The following CLMN variants were observed in gnomAD, a reference collection of about 807,000 sequenced individuals.
The protein encoded by CLMN is calmin.
CLMN carries 57 observed loss-of-function variants against 92.7 expected under a neutral mutation model. The ratio of observed to expected loss-of-function variants is 0.61; its 90% CI spans 0.50 to 0.77. CLMN has a LOEUF of 0.77. CLMN is among the 30% of genes least tolerant of loss of function. The probability of loss-of-function intolerance (pLI) is 0.00; values close to 1 mark genes in which losing one functional copy is unlikely to be tolerated. For missense variants in CLMN, 1,158 were observed against 1,237.5 expected (o/e 0.94, Z 0.96); for synonymous variants, 466 against 470.6 (o/e 0.99, Z 0.13).
chr14:95,208,302 G>A (rs976874744), intron 8 of CLMN, among the ~76,000 whole-genome samples: 20 of 152,246 alleles, frequency 1.3e-4, no homozygotes, highest in Admixed American at 7.8e-4. Context: ...AATTACTAAC[G>A]GATTCAAGAA....
At chr14:95,233,483 C>T (rs941692449) in intron 1 of CLMN, among the ~76,000 whole-genome samples, 3 of 152,134 alleles carry the variant, frequency 2.0e-5, no homozygotes, top group Admixed American at 2.0e-4. Flanking sequence ...GTTCATCCTC[C>T]CAGCAGATAT....
Position 95,191,439 on chromosome 14 carries a change from G to C in CLMN, c.*125C>G. On this transcript the variant is annotated 3_prime_UTR_variant, in exon 13 of 13. Coordinates refer to ENST00000298912, the MANE Select transcript of CLMN (RefSeq NM_024734.4). The surrounding 1 kb of genome is among the most constrained non-coding windows in gnomAD (Gnocchi z 5.3). ...AAAAAAAACCACAATAGCGAGAAAG[G>C]GGGTCTAAGTTTCCTCGGAGGTCCT... The C allele has an allele frequency of 1.7e-6, 1 of 574,834 alleles. No homozygotes were observed. Among genetic ancestry groups the C allele is most frequent in the Non-Finnish European group, 2.7e-6 (1 of 365,554 alleles). 35.6% of individuals were successfully genotyped at this position (574,834 alleles called of 1,614,324 possible).
intron 4 of CLMN, among the ~76,000 whole-genome samples, chr14:95,217,513 T>C (rs1312907506): frequency 1.3e-5 from 2 of 152,226 alleles, no homozygotes; most frequent in Non-Finnish European, 2.9e-5. Context: ...AAGTTGTCAA[T>C]ACTGTGAATA....
chr14:95,257,593 C>T (rs1899051549), intron 1 of CLMN, among the ~76,000 whole-genome samples: 1 of 152,248 alleles, frequency 6.6e-6, no homozygotes, highest in South Asian at 2.1e-4. Context: ...TGCTCAGGCA[C>T]ACACCTGGTT....
At chr14:95,202,092 T>C (rs1896901771) in intron 9 of CLMN, among the ~76,000 whole-genome samples, 1 of 152,238 alleles carries the variant, frequency 6.6e-6, no homozygotes, top group Non-Finnish European at 1.5e-5. Context: ...TTTGGGCATA[T>C]ACCTCGTAAT....
intron 2 of CLMN, among the ~76,000 whole-genome samples, chr14:95,228,507 G>C (rs1449267979): frequency 6.6e-6 from 1 of 152,130 alleles, no homozygotes; most frequent in Non-Finnish European, 1.5e-5. Context: ...TGCCTGCTCG[G>C]GCAATATCCT....
chr14:95,319,303 T>TCACACACACACACA (rs60670197), intron 1 of CLMN, among the ~76,000 whole-genome samples: 7 of 144,198 alleles, frequency 4.9e-5, no homozygotes, highest in Admixed American at 2.1e-4. Context: ...GTGCGCGAAC[T>TCACACACACACACA]CACACACACA....
intron 1 of CLMN, among the ~76,000 whole-genome samples, chr14:95,249,303 A>G (rs1228616009): frequency 6.6e-6 from 1 of 152,170 alleles, no homozygotes; most frequent in Non-Finnish European, 1.5e-5. Context: ...TGAGCAGATA[A>G]CTTGTCTTTT....
At chr14:95,264,299 T>G (rs1329598592) in intron 1 of CLMN, among the ~76,000 whole-genome samples, 7 of 152,140 alleles carry the variant, frequency 4.6e-5, no homozygotes, top group Non-Finnish European at 1.0e-4. Flanking sequence ...CCTCCCAAAG[T>G]GCTGAGATTA....
chr14:95,268,784 C>T (rs1899582943), intron 1 of CLMN, among the ~76,000 whole-genome samples: 2 of 129,230 alleles, frequency 1.5e-5, no homozygotes, highest in Admixed American at 7.7e-5. Flanking sequence ...GGACCTCTCT[C>T]TCTCTCTCTC....
chr14:95,283,164 A>G (rs1266517438), intron 1 of CLMN, among the ~76,000 whole-genome samples: 1 of 152,184 alleles, frequency 6.6e-6, no homozygotes, highest in Non-Finnish European at 1.5e-5. Flanking sequence ...TGTATTTCCC[A>G]TGCTATTCTT....
chr14:95,305,223 C>A (rs1170522503), intron 1 of CLMN, among the ~76,000 whole-genome samples: 8 of 152,174 alleles, frequency 5.3e-5, no homozygotes, highest in East Asian at 1.9e-4. Context: ...ACCGATGAGG[C>A]CTTTGAAAAA....
chr14:95,220,424 G>A (rs1033187648), intron 4 of CLMN, among the ~76,000 whole-genome samples: 17 of 152,162 alleles, frequency 1.1e-4, no homozygotes, highest in Middle Eastern at 3.4e-3. Flanking sequence ...TGATCCACCC[G>A]CCTCGGCCTC....
At position 95,191,758 on chromosome 14, in the gene CLMN, C is replaced by T. The variant is rs1258256689; in HGVS notation, c.2841-26G>A. On this transcript the variant is annotated intron_variant, in intron 12 of 12. Coordinates refer to ENST00000298912, the MANE Select transcript of CLMN (RefSeq NM_024734.4). This position sits in a 1 kb window ranked among gnomAD's most constrained non-coding sequence, Gnocchi z 5.3. Reference sequence around the variant, plus strand: ...CTACAGAAGAAACACAGAGGAAACGCAGTTACCAAGCAGGTTCCCAGGAAA... The same window carrying T: ...CTACAGAAGAAACACAGAGGAAACGTAGTTACCAAGCAGGTTCCCAGGAAA... 3 of 1,583,636 alleles carry T rather than the reference C, an allele frequency of 1.9e-6. No homozygotes were observed. The highest frequency in any genetic ancestry group is 3.5e-5 in the Admixed American group (2 of 56,458).
In CLMN at chr14:95,185,335, C is replaced by T. The variant is rs753177646; in HGVS notation, c.*6229G>A. 9 of 152,222 alleles carry T rather than the reference C, an allele frequency of 5.9e-5. No homozygotes were observed. The highest frequency in any genetic ancestry group is 3.9e-4 in the Admixed American group (6 of 15,280). The allele number at this position is 152,222 out of a possible 1,614,324, so 9.4% of individuals were successfully genotyped here. A position where few individuals can be genotyped will look rare whatever the true frequency, so the allele number is the denominator to read the frequency against. ...TTGTGTCTCATGTTTGGTTCTCCCA[C>T]GCTGGCTGTTAGGGGAAAAGAGCCA... On this transcript the variant is annotated 3_prime_UTR_variant, in exon 13 of 13. Transcript: ENST00000298912.
chr14:95,258,117 AGTGTTTAT>A (rs1899078262), intron 1 of CLMN, among the ~76,000 whole-genome samples: 1 of 150,946 alleles, frequency 6.6e-6, no homozygotes, highest in South Asian at 2.1e-4. Flanking sequence ...GCACATGTGC[AGTGTTTAT>A]GTGTGTTTGT....
chr14:95,296,835 A>G (rs1242586266), intron 1 of CLMN, among the ~76,000 whole-genome samples: 1 of 152,198 alleles, frequency 6.6e-6, no homozygotes, highest in African/African-American at 2.4e-5. Flanking sequence ...GCTTTACAAC[A>G]ATGTTGTTTC....
chr14:95,317,830 A>G (rs1322959346), intron 1 of CLMN, among the ~76,000 whole-genome samples: 1 of 152,238 alleles, frequency 6.6e-6, no homozygotes, highest in Non-Finnish European at 1.5e-5. Flanking sequence ...GTTGAACTTA[A>G]TAAGTGCACA....
intron 4 of CLMN, among the ~76,000 whole-genome samples, chr14:95,217,444 G>A (rs2140607996): frequency 6.6e-6 from 1 of 152,314 alleles, no homozygotes; most frequent in South Asian, 2.1e-4. Context: ...GAGGACAGAT[G>A]CCAAGAATAT....
Sources: allele counts gnomAD v4.1 joint callset (sites outside exome capture counted in the v4.1 genomes callset), GRCh38; gene constraint gnomAD v4.1.1; non-coding constraint Gnocchi (gnomAD v3.1); transcripts MANE v1.5; gene names NCBI Gene and HGNC (gene_info 2026-07-23, HGNC 2026-07-21).